Variants in CYRIB observed in about 807,000 individuals in gnomAD.
The protein encoded by CYRIB is CYFIP-related Rac1 interactor B.
CYRIB carries 8 observed loss-of-function variants against 44.2 expected under a neutral mutation model. That is an observed-to-expected ratio of 0.18 (90% confidence interval 0.11 to 0.33). The LOEUF is 0.33. Ranked by LOEUF, CYRIB falls within the 10% of genes least tolerant of loss-of-function variation. The pLI is 1.00. For synonymous variants in CYRIB, 131 were observed against 127.2 expected, an observed-to-expected ratio of 1.03 and a Z score of -0.20; for missense variants, 185 against 382.8, an observed-to-expected ratio of 0.48 and a Z score of 4.31.
upstream of CYRIB, among the ~76,000 whole-genome samples, chr8:129,942,767 T>C (rs1349850018): frequency 6.6e-6 from 1 of 152,214 alleles, no homozygotes; most frequent in African/African-American, 2.4e-5. Context: ...TCTACGCTCT[T>C]GACTTGTTTT....
chr8:129,862,502 A>C (rs1422305472), intron 4 of CYRIB, among the ~76,000 whole-genome samples, 168 bp from the exon 7 acceptor site: 1 of 151,820 alleles, frequency 6.6e-6, no homozygotes, highest in African/African-American at 2.4e-5. Flanking sequence ...AGAGCGTCTC[A>C]CTCTGTTGCC....
At position 129,946,927 on chromosome 8, in the gene CYRIB, C is replaced by G. The variant is rs1005540034; in HGVS notation, c.-243+24016G>C. Among the ~76,000 whole-genome samples, 7 of 152,134 alleles carry G rather than the reference C, an allele frequency of 4.6e-5. No individual in the cohort carries two copies. In the South Asian group the frequency reaches 1.2e-3, roughly 27 times the overall value. On this transcript the variant is annotated intron_variant, in intron 2 of 14. Transcript: ENST00000401979. Reference sequence around the variant, plus strand: ...CAGCCTTCGGATTCAAAGCAGTTCCCCCATCACCCTTCCAAAGGTGAACCC... The same window carrying G: ...CAGCCTTCGGATTCAAAGCAGTTCCGCCATCACCCTTCCAAAGGTGAACCC...
upstream of CYRIB, among the ~76,000 whole-genome samples, chr8:129,943,245 G>A (rs543257653): frequency 6.6e-6 from 1 of 152,028 alleles, no homozygotes; most frequent in African/African-American, 2.4e-5. Flanking sequence ...AATTCAGAAG[G>A]GTAGAGGAAA....
intron 1 of CYRIB, among the ~76,000 whole-genome samples, chr8:130,004,069 C>T (rs551575182): frequency 7.2e-5 from 11 of 152,322 alleles, no homozygotes; most frequent in Non-Finnish European, 1.3e-4. Flanking sequence ...CTGTCTCCCT[C>T]TGTCCACTCT....
intron 1 of CYRIB, among the ~76,000 whole-genome samples, chr8:129,997,787 GGAGGAAGAAACTCTGCTCAAATTACAA>G (rs2096808329): frequency 1.3e-5 from 2 of 152,048 alleles, no homozygotes; most frequent in African/African-American, 4.8e-5. Flanking sequence ...GACAGCCTTT[GGAGGAAGAAACTCTGCTCAAATTACAA>G]GAGGCACCTA....
intron 2 of CYRIB, chr8:129,890,447 A>T (rs1169625705): frequency 6.6e-6 from 1 of 152,228 alleles, no homozygotes. Context: ...TTTTATCAAT[A>T]AAGTATTTTT....
intron 2 of CYRIB, among the ~76,000 whole-genome samples, chr8:129,958,849 A>C (rs2095047800): frequency 6.6e-6 from 1 of 151,290 alleles, no homozygotes; most frequent in South Asian, 2.1e-4. Context: ...GTGGATCACG[A>C]GGTCAGGAGT....
At chr8:129,985,667 C>T (rs1478662252) in intron 1 of CYRIB, among the ~76,000 whole-genome samples, 3 of 152,104 alleles carry the variant, frequency 2.0e-5, no homozygotes, top group Non-Finnish European at 4.4e-5. Context: ...TGCTTCAGAG[C>T]AAATAGAGTG....
chr8:130,013,659 G>A (rs1445332212), intron 1 of CYRIB, among the ~76,000 whole-genome samples: 1 of 152,164 alleles, frequency 6.6e-6, no homozygotes, highest in African/African-American at 2.4e-5. Context: ...CTGAGCACGG[G>A]TGAGGCCACA....
intron 2 of CYRIB, among the ~76,000 whole-genome samples, chr8:129,967,123 CAACA>C (rs1483896384): frequency 6.6e-6 from 1 of 152,098 alleles, no homozygotes; most frequent in African/African-American, 2.4e-5. Context: ...AAAAAAACAA[CAACA>C]AACAGAGTTT....
At chr8:129,865,814 A>T (rs2053222665) in intron 4 of CYRIB, among the ~76,000 whole-genome samples, 1 of 152,240 alleles carries the variant, frequency 6.6e-6, no homozygotes, top group African/African-American at 2.4e-5. Context: ...ACAAACTACT[A>T]ATCAATGCTA....
chr8:129,897,244 A>G (rs1173528974), intron 2 of CYRIB, among the ~76,000 whole-genome samples: 1 of 152,198 alleles, frequency 6.6e-6, no homozygotes, highest in Non-Finnish European at 1.5e-5. Context: ...ACCACTGCTT[A>G]AATACTCTAC....
intron 1 of CYRIB, among the ~76,000 whole-genome samples, chr8:129,932,379 T>C (rs1418026787): frequency 6.6e-6 from 1 of 152,196 alleles, no homozygotes; most frequent in East Asian, 1.9e-4. Context: ...CTGTTCAGTA[T>C]AATAAATATA....
chr8:129,872,724 T>A (rs1463245856), intron 3 of CYRIB, among the ~76,000 whole-genome samples: 2 of 152,032 alleles, frequency 1.3e-5, no homozygotes, highest in Non-Finnish European at 2.9e-5. Flanking sequence ...TAAGATGAAG[T>A]AAGAACGTTT....
intron 4 of CYRIB, among the ~76,000 whole-genome samples, chr8:129,865,425 T>C (rs1284526437): frequency 1.3e-5 from 2 of 152,230 alleles, no homozygotes; most frequent in Non-Finnish European, 2.9e-5. Context: ...TTTAGACATT[T>C]GCAGAGTGGG....
At chr8:130,011,640 AC>A (rs2097218658) in intron 1 of CYRIB, among the ~76,000 whole-genome samples, 1 of 150,608 alleles carries the variant, frequency 6.6e-6, no homozygotes. Flanking sequence ...ACACGGTAAA[AC>A]CCCATCTCTA....
At chr8:129,954,186 T>C (rs546305732) in intron 2 of CYRIB, among the ~76,000 whole-genome samples, 3 of 152,202 alleles carry the variant, frequency 2.0e-5, no homozygotes, top group Non-Finnish European at 4.4e-5. Context: ...TTGGAGAAAA[T>C]GTCTATAGTC....
chr8:129,999,156 A>T (rs1481391834), intron 1 of CYRIB, among the ~76,000 whole-genome samples: 4 of 152,138 alleles, frequency 2.6e-5, no homozygotes, highest in African/African-American at 9.7e-5. Context: ...GGAGGGGCAG[A>T]GGAGCAGGGA....
chr8:129,900,520 C>T (rs1333164980), intron 2 of CYRIB, among the ~76,000 whole-genome samples: 1 of 152,174 alleles, frequency 6.6e-6, no homozygotes, highest in Non-Finnish European at 1.5e-5. Context: ...GCTTATACTA[C>T]TGATGGAACT....
Sources: gnomAD v4.1 joint callset for allele counts (sites outside exome capture counted in the v4.1 genomes callset) on GRCh38, gnomAD v4.1.1 for gene constraint, MANE v1.5 for transcripts, NCBI Gene and HGNC (gene_info 2026-07-23, HGNC 2026-07-21) for gene names.